R3HDM1: variants seen among roughly 807,000 people sequenced by gnomAD.
The protein encoded by R3HDM1 is R3H domain-containing protein 1.
R3HDM1 carries 46 observed loss-of-function variants against 141.1 expected under a neutral mutation model. The ratio of observed to expected loss-of-function variants is 0.33; its 90% CI spans 0.26 to 0.42. The LOEUF is 0.42. Ranked by LOEUF, R3HDM1 falls within the 10% of genes least tolerant of loss-of-function variation. The probability of loss-of-function intolerance (pLI) is 1.00; values close to 1 mark genes in which losing one functional copy is unlikely to be tolerated. For missense variants in R3HDM1, 1,184 were observed against 1,368.3 expected, an observed-to-expected ratio of 0.87 and a Z score of 2.12; for synonymous variants, 435 against 472.9, an observed-to-expected ratio of 0.92 and a Z score of 1.04.
At chr2:135,647,932 C>A (rs1447434837) in intron 16 of R3HDM1, among the ~76,000 whole-genome samples, 1 of 152,178 alleles carries the variant, frequency 6.6e-6, no homozygotes, top group Admixed American at 6.5e-5. Context: ...TCATTACTCT[C>A]TGAAATTCGG....
intron 21 of R3HDM1, among the ~76,000 whole-genome samples, chr2:135,698,683 A>G (rs545018658): frequency 6.6e-6 from 1 of 152,320 alleles, no homozygotes; most frequent in East Asian, 1.9e-4. Context: ...CATAGGAAGC[A>G]TAGTGGCTTC....
chr2:135,676,430 G>A (rs1467370093), intron 20 of R3HDM1, among the ~76,000 whole-genome samples: 1 of 152,120 alleles, frequency 6.6e-6, no homozygotes, highest in African/African-American at 2.4e-5. Flanking sequence ...TCAAAAATTT[G>A]TTTTACCTTT....
intron 14 of R3HDM1, among the ~76,000 whole-genome samples, chr2:135,639,750 G>A (rs992280304): frequency 1.4e-4 from 21 of 152,006 alleles, no homozygotes; most frequent in African/African-American, 4.8e-4. Flanking sequence ...TATGTTTTTA[G>A]GATCCTTGAA....
chr2:135,636,050 G>C (rs1270906136), intron 10 of R3HDM1, 38 bp from the exon 11 acceptor site: 1 of 1,610,932 alleles, frequency 6.2e-7, no homozygotes, highest in Admixed American at 1.7e-5. Context: ...TACTATACCA[G>C]TAGTTCATTT....
chr2:135,577,414 CAAAAAAAAA>C (rs35038268), intron 1 of R3HDM1, among the ~76,000 whole-genome samples: 34 of 15,806 alleles, frequency 2.2e-3, no homozygotes, highest in Non-Finnish European at 2.7e-3. Flanking sequence ...ATTAAATGAC[CAAAAAAAAA>C]AAAAAAAAAA....
intron 5 of R3HDM1, chr2:135,620,716 T>G (rs1180142960): frequency 1.1e-6 from 1 of 908,912 alleles, no homozygotes; most frequent in Non-Finnish European, 1.3e-6. Context: ...CTTTATAACT[T>G]TACCTAAGTA....
intron 1 of R3HDM1, 47 bp downstream of exon 1, chr2:135,531,680 C>A: frequency 4.1e-6 from 4 of 986,102 alleles, no homozygotes; most frequent in Non-Finnish European, 4.8e-6. Flanking sequence ...GGGAATAACG[C>A]GCCTTGCTCC....
intron 2 of R3HDM1, among the ~76,000 whole-genome samples, chr2:135,603,846 A>T (rs946079119): frequency 6.6e-6 from 1 of 152,198 alleles, no homozygotes; most frequent in Non-Finnish European, 1.5e-5. Flanking sequence ...AGCTCAAGCA[A>T]TCCGCCCACC....
chr2:135,574,110 T>C (rs998729950), intron 1 of R3HDM1, among the ~76,000 whole-genome samples: 2 of 152,006 alleles, frequency 1.3e-5, no homozygotes, highest in Non-Finnish European at 2.9e-5. Context: ...AGACAAACGG[T>C]TAGCTAACTT....
At chr2:135,680,128 C>T (rs756244566) in intron 20 of R3HDM1, 45 bp from the exon 21 acceptor site, 2 of 1,578,950 alleles carry the variant, frequency 1.3e-6, no homozygotes, top group Non-Finnish European at 1.7e-6. Flanking sequence ...TTTACAAGGC[C>T]TTGAAAAAAA....
chr2:135,687,762 A>G (rs1575026950), intron 21 of R3HDM1, among the ~76,000 whole-genome samples: 1 of 152,216 alleles, frequency 6.6e-6, no homozygotes, highest in African/African-American at 2.4e-5. Context: ...TCAAACCAAT[A>G]CCTTTTCAAT....
At chr2:135,687,410 C>T (rs1345079626) in intron 21 of R3HDM1, among the ~76,000 whole-genome samples, 2 of 152,092 alleles carry the variant, frequency 1.3e-5, no homozygotes, top group South Asian at 2.1e-4. Context: ...GGGTAGCTCT[C>T]GTGTTTAAAA....
chr2:135,670,338 TA>T, intron 19 of R3HDM1: 1 of 985,190 alleles, frequency 1.0e-6, no homozygotes, highest in Non-Finnish European at 1.2e-6. Context: ...AAAATGTTTA[TA>T]TTTTTTGTCC....
intron 1 of R3HDM1, among the ~76,000 whole-genome samples, chr2:135,546,942 G>C (rs1219366614): frequency 6.6e-6 from 1 of 152,164 alleles, no homozygotes; most frequent in Non-Finnish European, 1.5e-5. Context: ...AAAATGTTGG[G>C]ATTACAGCCA....
intron 19 of R3HDM1, among the ~76,000 whole-genome samples, chr2:135,667,947 A>G (rs1402645896): frequency 6.6e-6 from 1 of 152,226 alleles, no homozygotes; most frequent in Non-Finnish European, 1.5e-5. Flanking sequence ...TTGTTTAAAC[A>G]AAAGTTCAGA....
chr2:135,694,832 C>A (rs625118), intron 21 of R3HDM1, among the ~76,000 whole-genome samples: 43,278 of 152,054 alleles, frequency 0.28, 9,531 homozygotes, highest in African/African-American at 0.59. Flanking sequence ...TGTTTGCAAA[C>A]ACTACTTGAG....
In R3HDM1 at chr2:135,724,354, T is replaced by G; in HGVS notation, c.*62T>G. 1 of 1,286,438 alleles carries G rather than the reference T, an allele frequency of 7.8e-7. No individual in the cohort carries two copies. 79.7% of individuals were successfully genotyped at this position (1,286,438 alleles called of 1,614,324 possible). A position where few individuals can be genotyped will look rare whatever the true frequency, so the allele number is the denominator to read the frequency against. ...TGCCCTCTCCCATCTTTGATTGGCTTGGTATTTGGAGCTTCTGTTAACATT... is the reference window on the plus strand; with the variant it reads ...TGCCCTCTCCCATCTTTGATTGGCTGGGTATTTGGAGCTTCTGTTAACATT... On this transcript the variant is annotated 3_prime_UTR_variant, in exon 27 of 27. Coordinates refer to ENST00000683871, the MANE Select transcript of R3HDM1 (RefSeq NM_001378107.1).
intron 1 of R3HDM1, among the ~76,000 whole-genome samples, chr2:135,549,575 A>AAC (rs1553520607): frequency 6.6e-5 from 10 of 151,236 alleles, no homozygotes; most frequent in African/African-American, 2.4e-4. Context: ...AAAAAAAAAA[A>AAC]AAAAAACAAA....
intron 3 of R3HDM1, chr2:135,606,442 G>T (rs1166258918): frequency 6.6e-6 from 1 of 152,010 alleles, no homozygotes; most frequent in African/African-American, 2.4e-5. Context: ...AGAATTTGTA[G>T]CCACCTTTAA....
Sources: allele counts gnomAD v4.1 joint callset (sites outside exome capture counted in the v4.1 genomes callset), GRCh38; gene constraint gnomAD v4.1.1; transcripts MANE v1.5; gene names NCBI Gene and HGNC (gene_info 2026-07-23, HGNC 2026-07-21).